The following RAB38 variants were observed in gnomAD, a reference collection of about 807,000 sequenced individuals.
RAB38 encodes the protein ras-related protein Rab-38.
A neutral mutation model predicts 18.4 loss-of-function variants in RAB38; 15 were observed. The observed-to-expected ratio is 0.82, with a 90% confidence interval of 0.55 to 1.26. RAB38 has a LOEUF of 1.26. Ranked by LOEUF, RAB38 falls within the 50% of genes most tolerant of loss-of-function variation. RAB38 has a pLI of 0.00. For synonymous variants in RAB38, 101 were observed against 104.4 expected, an observed-to-expected ratio of 0.97 and a Z score of 0.20; for missense variants, 294 against 267.4, an observed-to-expected ratio of 1.10 and a Z score of -0.69.
the RAB38 span, among the ~76,000 whole-genome samples, chr11:87,893,390 A>ATATATGTATATATATATTTTT: frequency 3.2e-5 from 3 of 93,916 alleles, no homozygotes; most frequent in Non-Finnish European, 6.2e-5. Flanking sequence ...ATATATATAT[A>ATATATGTATATATATATTTTT]TTTTTTTTTT....
At chr11:88,141,154 A>T (rs987625828) in intron 2 of RAB38, among the ~76,000 whole-genome samples, 1 of 152,056 alleles carries the variant, frequency 6.6e-6, no homozygotes, top group African/African-American at 2.4e-5. Flanking sequence ...GGCAGACCTG[A>T]CTCTGTCCCC....
chr11:87,878,285 TCTATCTATCTATCTAC>T, the RAB38 span, among the ~76,000 whole-genome samples: 4 of 142,722 alleles, frequency 2.8e-5, 1 homozygote, highest in South Asian at 4.4e-4. Flanking sequence ...TATCTATCTA[TCTATCTATCTATCTAC>T]CTATCATCTA....
At chr11:87,906,115 C>T in the RAB38 span, among the ~76,000 whole-genome samples, 1 of 151,914 alleles carries the variant, frequency 6.6e-6, no homozygotes, top group African/African-American at 2.4e-5. Flanking sequence ...TTTTCATATA[C>T]ATATTTGTTT....
the RAB38 span, among the ~76,000 whole-genome samples, chr11:87,805,734 C>A: frequency 7.6e-3 from 1,158 of 151,932 alleles, 8 homozygotes; most frequent in Non-Finnish European, 0.013. Flanking sequence ...TATATACACA[C>A]ACATACATAT....
chr11:87,859,875 A>G, the RAB38 span, among the ~76,000 whole-genome samples: 1 of 152,094 alleles, frequency 6.6e-6, no homozygotes, highest in African/African-American at 2.4e-5. Context: ...TATTGTAACA[A>G]GCTTACAGTC....
At chr11:87,944,962 G>A in the RAB38 span, among the ~76,000 whole-genome samples, 2 of 152,070 alleles carry the variant, frequency 1.3e-5, no homozygotes, top group Non-Finnish European at 2.9e-5. Context: ...TTAAACCTTT[G>A]TTTTCTGTTT....
chr11:87,842,143 C>G, the RAB38 span, among the ~76,000 whole-genome samples: 1 of 152,062 alleles, frequency 6.6e-6, no homozygotes, highest in East Asian at 1.9e-4. Context: ...AAGAACATGT[C>G]AGAGAGGCTG....
chr11:87,887,020 C>T, the RAB38 span, among the ~76,000 whole-genome samples: 95,433 of 151,794 alleles, frequency 0.63, 32,702 homozygotes, highest in Non-Finnish European at 0.77. Context: ...CGGCCCCAAA[C>T]CCCATGAAAT....
chr11:87,970,255 A>G, the RAB38 span, among the ~76,000 whole-genome samples: 1 of 152,078 alleles, frequency 6.6e-6, no homozygotes, highest in Non-Finnish European at 1.5e-5. Flanking sequence ...AAATAAATCC[A>G]TAAAGAACAA....
intron 1 of RAB38, among the ~76,000 whole-genome samples, chr11:88,155,513 T>C (rs956155209): frequency 5.9e-5 from 9 of 151,788 alleles, no homozygotes; most frequent in Non-Finnish European, 1.2e-4. Context: ...AATAGTATGA[T>C]AGAGAAATAA....
the RAB38 span, among the ~76,000 whole-genome samples, chr11:88,084,099 G>A: frequency 6.6e-6 from 1 of 151,876 alleles, no homozygotes; most frequent in Non-Finnish European, 1.5e-5. Context: ...GAAGAGGAAG[G>A]TGCAGAGGAA....
the RAB38 span, among the ~76,000 whole-genome samples, chr11:88,060,798 AACT>A: frequency 6.6e-6 from 1 of 152,198 alleles, no homozygotes; most frequent in East Asian, 1.9e-4. Flanking sequence ...TTCCATTAAA[AACT>A]ACTAACTAAT....
chr11:87,870,214 G>C, the RAB38 span, among the ~76,000 whole-genome samples: 1 of 151,516 alleles, frequency 6.6e-6, no homozygotes, highest in Non-Finnish European at 1.5e-5. Flanking sequence ...CCTCATTAAA[G>C]AGAAAATATT....
the RAB38 span, among the ~76,000 whole-genome samples, chr11:87,866,192 G>C: frequency 6.6e-6 from 1 of 151,640 alleles, no homozygotes; most frequent in Non-Finnish European, 1.5e-5. Flanking sequence ...ATCAGGGTGG[G>C]AAGACAGATA....
chr11:88,082,037 A>C, the RAB38 span, among the ~76,000 whole-genome samples: 278 of 152,020 alleles, frequency 1.8e-3, no homozygotes, highest in African/African-American at 6.5e-3. Context: ...TTTACGTTGC[A>C]TCCGAAAAAG....
chr11:88,162,199 A>G (rs1247152682), intron 1 of RAB38, among the ~76,000 whole-genome samples: 1 of 152,114 alleles, frequency 6.6e-6, no homozygotes, highest in Non-Finnish European at 1.5e-5. Flanking sequence ...GGTGGTTCAG[A>G]AACACTTTCA....
the RAB38 span, among the ~76,000 whole-genome samples, chr11:88,086,116 G>A: frequency 6.6e-6 from 1 of 151,834 alleles, no homozygotes; most frequent in South Asian, 2.1e-4. Context: ...AGGCTATTGT[G>A]AAGATTAAGT....
At chr11:88,026,360 G>A in the RAB38 span, among the ~76,000 whole-genome samples, 7 of 151,028 alleles carry the variant, frequency 4.6e-5, no homozygotes, top group African/African-American at 7.3e-5. Context: ...TCAGGAGATC[G>A]AGACCATCCT....
chr11:87,932,305 G>C, the RAB38 span, among the ~76,000 whole-genome samples: 1 of 152,000 alleles, frequency 6.6e-6, no homozygotes, highest in African/African-American at 2.4e-5. Flanking sequence ...TAAAAAAAGA[G>C]AGAGAGATTC....
Sources: allele counts gnomAD v4.1 joint callset (sites outside exome capture counted in the v4.1 genomes callset), GRCh38; gene constraint gnomAD v4.1.1; transcripts MANE v1.5; gene names NCBI Gene and HGNC (gene_info 2026-07-23, HGNC 2026-07-21).